ATP2C2: variants seen among roughly 807,000 people sequenced by gnomAD.
ATP2C2 encodes the protein ATPase secretory pathway Ca2+ transporting 2, also known as calcium-transporting ATPase type 2C member 2.
ATP2C2 carries 171 observed loss-of-function variants against 110.8 expected under a neutral mutation model. The ratio of observed to expected loss-of-function variants is 1.54; its 90% CI spans 1.36 to 1.75. ATP2C2 has a LOEUF of 1.75. Ranked by LOEUF, ATP2C2 falls within the 40% of genes most tolerant of loss-of-function variation. The pLI is 0.00. For synonymous variants in ATP2C2, 804 were observed against 508.4 expected, an observed-to-expected ratio of 1.58 and a Z score of -7.82; for missense variants, 1,963 against 1,235.0, an observed-to-expected ratio of 1.59 and a Z score of -8.84.
At position 84,410,009 on chromosome 16, in the gene ATP2C2, C is replaced by G. The variant is rs138173818; in HGVS notation, c.418-559C>G. Among the ~76,000 whole-genome samples, 1,288 of 152,152 alleles carry G rather than the reference C, an allele frequency of 8.5e-3. 16 individuals carry two copies. The highest frequency in any genetic ancestry group is 0.028 in the African/African-American group (1,151 of 41,488). ...GGATCACGAGGTCAGGAGATCGAGA[C>G]CATCCTGGCCCACATGGTGAAAGCC... On this transcript the variant is annotated intron_variant, in intron 4 of 26. Coordinates refer to ENST00000262429, the MANE Select transcript of ATP2C2 (RefSeq NM_014861.4).
chr16:84,406,475 T>C (rs34756715), intron 3 of ATP2C2: 76,609 of 544,404 alleles, frequency 0.14, 5,745 homozygotes, highest in East Asian at 0.23. Context: ...CGCCTTCCTA[T>C]TGGCTCTGTG....
At chr16:84,415,850 C>T (rs529599380) in intron 7 of ATP2C2, among the ~76,000 whole-genome samples, 1 of 152,308 alleles carries the variant, frequency 6.6e-6, no homozygotes, top group South Asian at 2.1e-4. Context: ...TTAAAGCAGG[C>T]TGCAATAACA....
chr16:84,434,985 C>G (rs539446685), intron 11 of ATP2C2, among the ~76,000 whole-genome samples: 67 of 152,324 alleles, frequency 4.4e-4, no homozygotes, highest in Admixed American at 9.8e-4. Flanking sequence ...ACCAACGAAG[C>G]CTTCTGGCTG....
Position 84,446,449 on chromosome 16 carries a change from C to G in ATP2C2, c.1503+19C>G. Reference sequence around the variant, plus strand: ...GACTGAGGTGAGACCTTTCAATCTTCAACCTCTTCTCTCTTTCTGCCCGGG... The same window carrying G: ...GACTGAGGTGAGACCTTTCAATCTTGAACCTCTTCTCTCTTTCTGCCCGGG... On this transcript the variant is annotated intron_variant, in intron 16 of 26. Coordinates refer to ENST00000262429, the MANE Select transcript of ATP2C2 (RefSeq NM_014861.4). 1.3e-6 allele frequency: 2 copies of G among 1,540,722 alleles called. No homozygotes were observed. The highest frequency in any genetic ancestry group is 1.2e-5 in the South Asian group (1 of 82,024).
intron 2 of ATP2C2, among the ~76,000 whole-genome samples, chr16:84,400,930 A>T (rs1279925832): frequency 6.6e-6 from 1 of 152,208 alleles, no homozygotes; most frequent in Non-Finnish European, 1.5e-5. Flanking sequence ...GTTTTCTCCT[A>T]TAGAGTTGTT....
intron 17 of ATP2C2, among the ~76,000 whole-genome samples, chr16:84,451,585 C>G (rs1222681167): frequency 6.6e-6 from 1 of 152,196 alleles, no homozygotes; most frequent in Non-Finnish European, 1.5e-5. Context: ...CACCTGTAAT[C>G]CCAGCACTTG....
intron 17 of ATP2C2, among the ~76,000 whole-genome samples, chr16:84,451,702 G>A (rs1910280643): frequency 6.6e-6 from 1 of 152,164 alleles, no homozygotes; most frequent in Non-Finnish European, 1.5e-5. Context: ...GCTGGGCCTG[G>A]AGGCGCATGC....
chr16:84,379,112 C>T (rs1311985695), intron 1 of ATP2C2, among the ~76,000 whole-genome samples: 4 of 150,492 alleles, frequency 2.7e-5, no homozygotes, highest in Admixed American at 6.6e-5. Flanking sequence ...TCACTCTCTT[C>T]CCCTCTCTTC....
At chr16:84,430,415 CG>C (rs918556332) in intron 11 of ATP2C2, among the ~76,000 whole-genome samples, 1 of 149,158 alleles carries the variant, frequency 6.7e-6, no homozygotes, top group Non-Finnish European at 1.5e-5. Context: ...CTGAGGCAGA[CG>C]GATCACTTGA....
At chr16:84,426,372 C>T (rs766935498) in intron 11 of ATP2C2, among the ~76,000 whole-genome samples, 1 of 152,178 alleles carries the variant, frequency 6.6e-6, no homozygotes, top group Non-Finnish European at 1.5e-5. Context: ...TCTCCTCCCA[C>T]CTCCAACACT....
chr16:84,373,347 A>G (rs1910068985), intron 1 of ATP2C2, among the ~76,000 whole-genome samples: 1 of 152,098 alleles, frequency 6.6e-6, no homozygotes, highest in Non-Finnish European at 1.5e-5. Context: ...TAAAAATACA[A>G]AAATTAGCTG....
chr16:84,455,213 C>A (rs149238865), intron 21 of ATP2C2, among the ~76,000 whole-genome samples: 1 of 152,138 alleles, frequency 6.6e-6, no homozygotes, highest in Non-Finnish European at 1.5e-5. Flanking sequence ...CATGCTGCCC[C>A]CAGGGGAATG....
At chr16:84,412,568 G>A (rs865952947) in intron 6 of ATP2C2, among the ~76,000 whole-genome samples, 2 of 145,500 alleles carry the variant, frequency 1.4e-5, no homozygotes, top group Non-Finnish European at 3.0e-5. Flanking sequence ...GTGTGTGTGT[G>A]TATGTGTGTG....
intron 18 of ATP2C2, 151 bp downstream of exon 18, chr16:84,452,242 C>A: frequency 1.0e-6 from 1 of 1,000,928 alleles, no homozygotes; most frequent in Non-Finnish European, 1.4e-6. Flanking sequence ...TATTCGTGTG[C>A]CAGCATTCCA....
At chr16:84,389,950 T>C (rs1303454316) in intron 1 of ATP2C2, among the ~76,000 whole-genome samples, 5 of 152,116 alleles carry the variant, frequency 3.3e-5, no homozygotes, top group African/African-American at 4.8e-5. Context: ...TTCGAACTCC[T>C]GACCTCTAAT....
intron 3 of ATP2C2, chr16:84,406,795 C>G (rs1033877865): frequency 3.3e-6 from 1 of 300,460 alleles, no homozygotes; most frequent in South Asian, 1.3e-4. Context: ...GGCTGGAGAT[C>G]TCTTTGCTCT....
At chr16:84,383,263 C>G (rs570613068) in intron 1 of ATP2C2, among the ~76,000 whole-genome samples, 14 of 152,338 alleles carry the variant, frequency 9.2e-5, no homozygotes, top group East Asian at 3.9e-4. Context: ...GACAGGTGGG[C>G]TGGCAGGAAA....
At chr16:84,419,797 C>T (rs890803931) in intron 7 of ATP2C2, among the ~76,000 whole-genome samples, 1 of 152,082 alleles carries the variant, frequency 6.6e-6, no homozygotes, top group African/African-American at 2.4e-5. Flanking sequence ...AGTTTATAGC[C>T]CAGAGTGACA....
Position 84,463,720 on chromosome 16 carries a change from TGAA to T in ATP2C2, c.2832_2834del (p.Glu944del). On this transcript the variant is annotated inframe_deletion, in exon 27 of 27. Transcript: ENST00000262429. The stretch of plus-strand genomic sequence containing the variant: ...GCCCCAAGAGAGTCCAGATGCACCC[TGAA>T]GATGTGTAGTGGACCGCACTCCGCG... 1 of 1,613,026 alleles carries T rather than the reference TGAA, an allele frequency of 6.2e-7. No homozygotes were observed. Among genetic ancestry groups the T allele is most frequent in the Non-Finnish European group, 8.5e-7 (1 of 1,179,060 alleles).
Sources: gnomAD v4.1 joint callset for allele counts (sites outside exome capture counted in the v4.1 genomes callset) on GRCh38, gnomAD v4.1.1 for gene constraint, MANE v1.5 for transcripts, NCBI Gene and HGNC (gene_info 2026-07-23, HGNC 2026-07-21) for gene names.